The following CEP135 variants were observed in gnomAD, a reference collection of about 807,000 sequenced individuals.
The protein encoded by CEP135 is centrosomal protein 135.
A neutral mutation model predicts 157.3 loss-of-function variants in CEP135; 142 were observed. The observed-to-expected ratio is 0.90, with a 90% CI of 0.79 to 1.04. The LOEUF is 1.04. Ranked by LOEUF, CEP135 falls within the 50% of genes least tolerant of loss-of-function variation. The pLI is 0.00. For missense variants in CEP135, 1,317 were observed against 1,309.2 expected, an observed-to-expected ratio of 1.01 and a Z score of -0.09; for synonymous variants, 396 against 439.8, an observed-to-expected ratio of 0.90 and a Z score of 1.25.
chr4:56,027,465 A>G (rs1338206744), intron 25 of CEP135, among the ~76,000 whole-genome samples: 1 of 152,194 alleles, frequency 6.6e-6, no homozygotes, highest in African/African-American at 2.4e-5. Flanking sequence ...CTGTCTCTTG[A>G]CATCATGTAG....
intron 10 of CEP135, among the ~76,000 whole-genome samples, chr4:55,973,035 A>G (rs1162039261): frequency 1.3e-5 from 2 of 152,190 alleles, no homozygotes; most frequent in Non-Finnish European, 2.9e-5. Context: ...GTGTGAAAAA[A>G]AAAAAGTTTA....
At chr4:55,954,135 CTT>C in intron 3 of CEP135, 79 bp from the exon 4 acceptor site, 1 of 1,286,834 alleles carries the variant, frequency 7.8e-7, no homozygotes, top group Non-Finnish European at 1.1e-6. Flanking sequence ...ATTGATATGA[CTT>C]TTTGTATTTT....
chr4:56,006,152 T>A (rs1295283835), intron 17 of CEP135, among the ~76,000 whole-genome samples: 1 of 152,242 alleles, frequency 6.6e-6, no homozygotes, highest in Non-Finnish European at 1.5e-5. Flanking sequence ...GTTCTGTTAT[T>A]ATTTCTTTGA....
rs879915421 is a variant in CEP135 at position 56,019,781 on chromosome 4, C to CA, written c.3215+237dup. 2.1e-3 allele frequency among the ~76,000 whole-genome samples: 296 copies of CA among 139,234 alleles called. 2 individuals carry two copies. Among genetic ancestry groups the CA allele is most frequent in the South Asian group, 7.7e-3 (33 of 4,296 alleles). 91.3% of individuals were successfully genotyped at this position (139,234 alleles called of 152,430 possible). Reference sequence around the variant, plus strand: ...CGAAACCCCGTCTATACTAAAAATACAAAAAAAAAAAGCCAGGCGTGGTGG... The same window carrying CA: ...CGAAACCCCGTCTATACTAAAAATACAAAAAAAAAAAAGCCAGGCGTGGTGG... On this transcript the variant is annotated intron_variant, in intron 23 of 25. Transcript: ENST00000257287.
intron 5 of CEP135, 53 bp downstream of exon 5, chr4:55,957,417 G>C: frequency 6.4e-7 from 1 of 1,554,900 alleles, no homozygotes; most frequent in Non-Finnish European, 8.7e-7. Flanking sequence ...TCAATTAGCT[G>C]TAAGTTTCTT....
chr4:55,952,830 A>G (rs1436055010), intron 2 of CEP135, among the ~76,000 whole-genome samples: 1 of 152,210 alleles, frequency 6.6e-6, no homozygotes, highest in Non-Finnish European at 1.5e-5. Flanking sequence ...ATATCTGAAC[A>G]TATCTAAACA....
rs1350590946 is a variant in CEP135, at chr4:55,965,796, G to A, written c.981G>A (p.Gln327=). The A allele has an allele frequency of 1.2e-6, 2 of 1,613,786 alleles. No homozygotes were observed. Among genetic ancestry groups the A allele is most frequent in the East Asian group, 2.2e-5 (1 of 44,812 alleles). Reference sequence around the variant, plus strand: ...TAACTGAAATAGATCAGTTAGCACAGCAGTTGGAAAGACATAAAGAAGAAG... The same window carrying A: ...TAACTGAAATAGATCAGTTAGCACAACAGTTGGAAAGACATAAAGAAGAAG... The part of the protein sequence containing the change: ...QELTEIDQLA[Q]QLERHKEEVL... The change falls in exon 8 of 26, where the codon CAG becomes CAA. Residue 327 remains glutamine, a synonymous_variant. Coordinates refer to ENST00000257287, the MANE Select transcript of CEP135 (RefSeq NM_025009.5).
chr4:55,991,736 T>C (rs1300669883), intron 14 of CEP135, among the ~76,000 whole-genome samples, 198 bp from the exon 15 acceptor site: 1 of 152,188 alleles, frequency 6.6e-6, no homozygotes, highest in Non-Finnish European at 1.5e-5. Context: ...GTTTGTATCT[T>C]TAATGGTAGT....
rs1298656011 is a variant in CEP135 at position 56,023,969 on chromosome 4, A to G, written c.3321-532A>G. Among the ~76,000 whole-genome samples, 3 of 140,740 alleles carry G rather than the reference A, an allele frequency of 2.1e-5. No individual in the cohort carries two copies. In the East Asian group the frequency reaches 6.2e-4, roughly 29 times the overall value. 92.3% of individuals were successfully genotyped at this position (140,740 alleles called of 152,430 possible). On this transcript the variant is annotated intron_variant, in intron 24 of 25. Transcript: ENST00000257287. Reference sequence around the variant, plus strand: ...CTATAAGATTGTTCAAAGCAATTATAAATATTATATAATATATTGTATGTT... The same window carrying G: ...CTATAAGATTGTTCAAAGCAATTATGAATATTATATAATATATTGTATGTT...
intron 25 of CEP135, 45 bp from the exon 26 acceptor site, chr4:56,031,313 CTT>C (rs1021162602): frequency 1.3e-5 from 2 of 152,398 alleles, no homozygotes; most frequent in African/African-American, 4.8e-5. Context: ...TGTTGAATAA[CTT>C]TATCATTTTT....
chr4:55,956,893 T>C (rs1411586684), intron 4 of CEP135, among the ~76,000 whole-genome samples: 3 of 152,054 alleles, frequency 2.0e-5, no homozygotes, highest in African/African-American at 7.2e-5. Flanking sequence ...GGATTATAGG[T>C]GTGAGCCGCC....
intron 15 of CEP135, among the ~76,000 whole-genome samples, chr4:55,996,109 AATTG>A (rs904896068): frequency 1.3e-5 from 2 of 152,164 alleles, no homozygotes; most frequent in African/African-American, 4.8e-5. Context: ...TTTTTAAGGT[AATTG>A]ATAACCATTT....
intron 9 of CEP135, among the ~76,000 whole-genome samples, chr4:55,969,492 C>G (rs1044379601): frequency 6.7e-6 from 1 of 150,370 alleles, no homozygotes; most frequent in Non-Finnish European, 1.5e-5. Context: ...CAGCTCCTGA[C>G]AACCACTAAT....
intron 10 of CEP135, among the ~76,000 whole-genome samples, chr4:55,973,777 C>T (rs1209669448): frequency 6.6e-6 from 1 of 152,126 alleles, no homozygotes; most frequent in Non-Finnish European, 1.5e-5. Context: ...GCTTGATCAC[C>T]CACTACCCCT....
chr4:55,993,433 CAT>C (rs1343192811), intron 15 of CEP135, among the ~76,000 whole-genome samples: 1 of 152,202 alleles, frequency 6.6e-6, no homozygotes, highest in Non-Finnish European at 1.5e-5. Context: ...ATTAGCGACT[CAT>C]AAAGAGCATC....
At chr4:55,984,088 A>G (rs1729499365) in intron 13 of CEP135, among the ~76,000 whole-genome samples, 1 of 152,210 alleles carries the variant, frequency 6.6e-6, no homozygotes, top group Admixed American at 6.5e-5. Flanking sequence ...CTGAAGTCAG[A>G]GTTATCTTTC....
chr4:55,981,406 G>A, intron 13 of CEP135, 27 bp downstream of exon 13: 1 of 1,547,412 alleles, frequency 6.5e-7, no homozygotes, highest in Non-Finnish European at 8.7e-7. Context: ...GTTTTTGAAA[G>A]GTAATTTGTT....
intron 25 of CEP135, among the ~76,000 whole-genome samples, chr4:56,030,440 G>GTGTAT (rs1553896718): frequency 8.5e-5 from 13 of 152,064 alleles, no homozygotes; most frequent in Admixed American, 2.6e-4. Context: ...TTCTGTGTGT[G>GTGTAT]TGTTTTGTTT....
intron 10 of CEP135, among the ~76,000 whole-genome samples, chr4:55,972,947 G>A (rs368943339): frequency 3.9e-5 from 6 of 152,134 alleles, no homozygotes; most frequent in South Asian, 4.2e-4. Context: ...CAGGAGAATC[G>A]CTTGAACCCG....
Sources: allele counts gnomAD v4.1 joint callset (sites outside exome capture counted in the v4.1 genomes callset), GRCh38; gene constraint gnomAD v4.1.1; transcripts MANE v1.5; gene names NCBI Gene and HGNC (gene_info 2026-07-23, HGNC 2026-07-21).